The following ADAMTS9 variants were observed in gnomAD, a reference collection of about 807,000 sequenced individuals.
The protein encoded by ADAMTS9 is ADAM metallopeptidase with thrombospondin type 1 motif 9, also known as A disintegrin and metalloproteinase with thrombospondin motifs 9.
A neutral mutation model predicts 257.1 loss-of-function variants in ADAMTS9; 107 were observed. The ratio of observed to expected loss-of-function variants is 0.42; its 90% CI spans 0.36 to 0.49. The LOEUF (loss-of-function observed/expected upper bound fraction) is 0.49. Ranked by LOEUF, ADAMTS9 falls within the 20% of genes least tolerant of loss-of-function variation. The pLI, the probability that ADAMTS9 is intolerant of heterozygous loss-of-function variation, is 0.03. For synonymous variants in ADAMTS9, 982 were observed against 880.9 expected, an observed-to-expected ratio of 1.11 and a Z score of -2.03; for missense variants, 2,353 against 2,469.1, an observed-to-expected ratio of 0.95 and a Z score of 1.00.
rs992559687 is a variant in ADAMTS9, at chr3:64,687,909, G to A, written c.-252C>T. The A allele has an allele frequency of 2.8e-6, 1 of 360,690 alleles. No individual in the cohort carries two copies. Among genetic ancestry groups the A allele is most frequent in the East Asian group, 4.7e-5 (1 of 21,476 alleles). The allele number at this position is 360,690 out of a possible 1,614,324, so 22.3% of individuals were successfully genotyped here. ...GCCGGAGGAGCAGGAGGAGGAGGAGGACTGGGGCTCGGCTGCTTGGCCGCA... is the reference window on the plus strand; with the variant it reads ...GCCGGAGGAGCAGGAGGAGGAGGAGAACTGGGGCTCGGCTGCTTGGCCGCA... On this transcript the variant is annotated 5_prime_UTR_variant, in exon 1 of 40. Coordinates refer to ENST00000498707, the MANE Select transcript of ADAMTS9 (RefSeq NM_182920.2). The surrounding 1 kb of genome is among the most constrained non-coding windows in gnomAD (Gnocchi z 4.4).
intron 3 of ADAMTS9, among the ~76,000 whole-genome samples, chr3:64,665,013 C>T (rs1364386816): frequency 6.6e-6 from 1 of 152,104 alleles, no homozygotes; most frequent in Non-Finnish European, 1.5e-5. Context: ...TGGCCCAGCT[C>T]AAATCCTAAA....
At chr3:64,530,873 C>T (rs193228881) in intron 38 of ADAMTS9, among the ~76,000 whole-genome samples, 2 of 152,044 alleles carry the variant, frequency 1.3e-5, no homozygotes, top group African/African-American at 2.4e-5. Flanking sequence ...CTGAAACATA[C>T]AGTGTATTTC....
chr3:64,653,089 C>T (rs986073825), intron 8 of ADAMTS9, among the ~76,000 whole-genome samples: 5 of 152,172 alleles, frequency 3.3e-5, no homozygotes, highest in African/African-American at 1.2e-4. Context: ...ATCCAAAACA[C>T]TTCTGGTCCC....
Position 64,576,072 on chromosome 3 carries a change from G to C in ADAMTS9, c.4357-7537C>G, listed in dbSNP as rs376977081. ...CCCAGAGAAATCAATCCACAGAGCA[G>C]TTATATACGTTGAAGATTCCTTCTG... On this transcript the variant is annotated intron_variant, in intron 28 of 39. Transcript: ENST00000498707. 1.4e-4 allele frequency among the ~76,000 whole-genome samples: 22 copies of C among 152,300 alleles called. No homozygotes were observed. In the East Asian group the frequency reaches 3.9e-3, roughly 27 times the overall value.
Position 64,539,310 on chromosome 3 carries a change from G to T in ADAMTS9, c.5522-16C>A. 2 of 1,606,968 alleles carry T rather than the reference G, an allele frequency of 1.2e-6. No individual in the cohort carries two copies. Among genetic ancestry groups the T allele is most frequent in the Non-Finnish European group, 1.7e-6 (2 of 1,173,684 alleles). ...AAGTCAGTGGCTGTGGGGTGGAGAAGGGGTTAAAGGCAGGGGAAGGTAAGA... is the reference window on the plus strand; with the variant it reads ...AAGTCAGTGGCTGTGGGGTGGAGAATGGGTTAAAGGCAGGGGAAGGTAAGA... On this transcript the variant is annotated splice_polypyrimidine_tract_variant and intron_variant, in intron 36 of 39. Coordinates refer to ENST00000498707, the MANE Select transcript of ADAMTS9 (RefSeq NM_182920.2).
At chr3:64,540,140 T>G (rs2083101851) in intron 36 of ADAMTS9, among the ~76,000 whole-genome samples, 1 of 152,250 alleles carries the variant, frequency 6.6e-6, no homozygotes, top group South Asian at 2.1e-4. Flanking sequence ...TGCTTCAGCA[T>G]GTAGAACCCT....
At chr3:64,653,219 A>G (rs1469177134) in intron 8 of ADAMTS9, among the ~76,000 whole-genome samples, 1 of 152,118 alleles carries the variant, frequency 6.6e-6, no homozygotes, top group Non-Finnish European at 1.5e-5. Context: ...TAAGCTGGGG[A>G]AGCTGGAATG....
At chr3:64,653,046 T>G (rs1266320324) in intron 8 of ADAMTS9, among the ~76,000 whole-genome samples, 2 of 152,254 alleles carry the variant, frequency 1.3e-5, no homozygotes, top group Non-Finnish European at 2.9e-5. Flanking sequence ...ATTATGGATA[T>G]GCAAATATTG....
intron 16 of ADAMTS9, among the ~76,000 whole-genome samples, chr3:64,631,086 T>C (rs569895124): frequency 6.6e-6 from 1 of 152,306 alleles, no homozygotes; most frequent in Non-Finnish European, 1.5e-5. Flanking sequence ...CAAGTAATGC[T>C]TCTAATAAAA....
Position 64,687,467 on chromosome 3 carries a change from G to A in ADAMTS9, c.115+76C>T. 1 of 1,167,464 alleles carries A rather than the reference G, an allele frequency of 8.6e-7. No individual in the cohort carries two copies. Among genetic ancestry groups the A allele is most frequent in the Non-Finnish European group, 1.2e-6 (1 of 851,992 alleles). The allele number at this position is 1,167,464 out of a possible 1,614,324, so 72.3% of individuals were successfully genotyped here. A position where few individuals can be genotyped will look rare whatever the true frequency, so the allele number is the denominator to read the frequency against. ...AAAAGGAGAGAAGCCTCCGCTGCGGGGTGCCCCTGCCCAGGAGCGAGGACC... is the reference window on the plus strand; with the variant it reads ...AAAAGGAGAGAAGCCTCCGCTGCGGAGTGCCCCTGCCCAGGAGCGAGGACC... On this transcript the variant is annotated intron_variant, in intron 1 of 39. Transcript: ENST00000498707. This position sits in a 1 kb window ranked among gnomAD's most constrained non-coding sequence, Gnocchi z 4.4.
At chr3:64,524,253 C>G (rs567854153) in intron 38 of ADAMTS9, among the ~76,000 whole-genome samples, 1 of 152,164 alleles carries the variant, frequency 6.6e-6, no homozygotes, top group African/African-American at 2.4e-5. Flanking sequence ...AATTGAGGAG[C>G]TTCAATCTCA....
At chr3:64,566,658 T>C (rs1472958520) in intron 29 of ADAMTS9, among the ~76,000 whole-genome samples, 2 of 152,188 alleles carry the variant, frequency 1.3e-5, no homozygotes. Context: ...TAATTATCCT[T>C]TGTGAATATT....
chr3:64,641,686 T>G (rs1209842607), intron 12 of ADAMTS9, among the ~76,000 whole-genome samples, 162 bp downstream of exon 12: 1 of 151,998 alleles, frequency 6.6e-6, no homozygotes, highest in East Asian at 1.9e-4. Flanking sequence ...GGGAAGTGCC[T>G]GGGAATAGAC....
At chr3:64,517,416 G>GTTTTTTTTTTTTTATTTTT (rs2082789833) in intron 39 of ADAMTS9, among the ~76,000 whole-genome samples, 1 of 52,638 alleles carries the variant, frequency 1.9e-5, no homozygotes, top group Non-Finnish European at 3.8e-5. Flanking sequence ...ATTAAAAATG[G>GTTTTTTTTTTTTTATTTTT]TTTTTTTTTT....
At position 64,615,453 on chromosome 3, in the gene ADAMTS9, C is replaced by T. The variant is rs763187035; in HGVS notation, c.3057G>A (p.Arg1019=). 3 of 1,613,814 alleles carry T rather than the reference C, an allele frequency of 1.9e-6. No individual in the cohort carries two copies. The highest frequency in any genetic ancestry group is 2.2e-5 in the East Asian group (1 of 44,842). The change falls in exon 21 of 40, where the codon AGG becomes AGA. Residue 1019 remains arginine, a synonymous_variant. Transcript: ENST00000498707. ...GGGTATTGACACAAATAGCCCTTCT[C>T]CTCTGGGTCCCACCGTCACAGCTTT... is the stretch of plus-strand genomic sequence containing the variant. ...CSKSCDGGTQ[R]RRAICVNTRN... is the part of the protein sequence containing the mutation.
chr3:64,608,568 C>T (rs1246833568), intron 22 of ADAMTS9, among the ~76,000 whole-genome samples: 1 of 151,892 alleles, frequency 6.6e-6, no homozygotes, highest in South Asian at 2.1e-4. Flanking sequence ...TAGAAACAGA[C>T]AAATCACAAA....
rs112805275 is a variant in ADAMTS9, at chr3:64,582,578, G to A, written c.4356+11680C>T. On this transcript the variant is annotated intron_variant, in intron 28 of 39. Coordinates refer to ENST00000498707, the MANE Select transcript of ADAMTS9 (RefSeq NM_182920.2). ...ATAGAACTACCTGGCAGAAAAGGAA[G>A]GGTGATATTGCCTCCCAGGGAACAT... 1.2e-4 allele frequency: 19 copies of A among 152,288 alleles called. 1 individual carries two copies. Among genetic ancestry groups the A allele is most frequent in the Middle Eastern group, 3.4e-3 (1 of 294 alleles). 9.4% of individuals were successfully genotyped at this position (152,288 alleles called of 1,614,324 possible). A position where few individuals can be genotyped will look rare whatever the true frequency, so the allele number is the denominator to read the frequency against.
At chr3:64,542,334 G>C (rs1402738100) in intron 32 of ADAMTS9, among the ~76,000 whole-genome samples, 7 of 151,858 alleles carry the variant, frequency 4.6e-5, no homozygotes, top group Non-Finnish European at 1.0e-4. Flanking sequence ...CAAATTTAAG[G>C]AATTTGTTCA....
Position 64,561,654 on chromosome 3 carries a change from G to A in ADAMTS9, c.4622C>T (p.Thr1541Ile). 2 of 1,614,068 alleles carry A rather than the reference G, an allele frequency of 1.2e-6. No individual in the cohort carries two copies. The highest frequency in any genetic ancestry group is 1.7e-6 in the Non-Finnish European group (2 of 1,180,008). Residue 1541 changes from threonine to isoleucine, a missense_variant, in exon 30 of 40, where the codon ACC becomes ATC. Coordinates refer to ENST00000498707, the MANE Select transcript of ADAMTS9 (RefSeq NM_182920.2). Reference protein sequence around the residue: ...IARETECNPYTRPESERDCQG... With the variant: ...IARETECNPYIRPESERDCQG... ...GCAGTCGCGTTCCGACTCCGGTCTG[G>A]TGTATGGGTTGCACTCGGTCTCTCT... is the stretch of plus-strand genomic sequence containing the variant.
Sources: gnomAD v4.1 joint callset for allele counts (sites outside exome capture counted in the v4.1 genomes callset) on GRCh38, gnomAD v4.1.1 for gene constraint, Gnocchi (gnomAD v3.1) non-coding constraint, MANE v1.5 for transcripts, NCBI Gene and HGNC (gene_info 2026-07-23, HGNC 2026-07-21) for gene names.